JPH2: variants seen among roughly 807,000 people sequenced by gnomAD.
The protein encoded by JPH2 is junctophilin 2.
Under a neutral mutation model 55.9 loss-of-function variants are expected in JPH2, and 38 were observed. That is an observed-to-expected ratio of 0.68 (90% confidence interval 0.52 to 0.89). The LOEUF (loss-of-function observed/expected upper bound fraction) is 0.89. JPH2 is among the 40% of genes least tolerant of loss of function. JPH2 has a pLI of 0.00. For synonymous variants in JPH2, 480 were observed against 472.4 expected (o/e 1.02, Z -0.21); for missense variants, 964 against 1,037.6 (o/e 0.93, Z 0.97).
rs773186875 is a variant in JPH2, at chr20:44,186,547, G to A, written c.159C>T (p.Thr53=). ...CCTCAAAGGTGTTTCCGCTGGGCCA[G>A]GTGTAGACACCTGCCACCTCAAAGC... is the stretch of plus-strand genomic sequence containing the variant. ...NFGFEVAGVY[T]WPSGNTFEGY... Residue 53 remains threonine, a synonymous_variant, in exon 1 of 6, where the codon ACC becomes ACT. Transcript: ENST00000372980. 5 of 1,613,692 alleles carry A rather than the reference G, an allele frequency of 3.1e-6. No homozygotes were observed. The African/African-American group carries it at 5.3e-5, about 17-fold the overall frequency.
chr20:44,180,242 T>G (rs2072768544), intron 1 of JPH2, among the ~76,000 whole-genome samples: 1 of 152,124 alleles, frequency 6.6e-6, no homozygotes, highest in South Asian at 2.1e-4. Context: ...ATAAGTAACA[T>G]AACATACCTC....
intron 2 of JPH2, among the ~76,000 whole-genome samples, chr20:44,125,606 G>A (rs889313798): frequency 1.3e-5 from 2 of 152,158 alleles, no homozygotes; most frequent in African/African-American, 4.8e-5. Context: ...AGCCGCCTGG[G>A]GAGCTCGCAG....
At chr20:44,180,216 C>T (rs1262918648) in intron 1 of JPH2, among the ~76,000 whole-genome samples, 1 of 152,112 alleles carries the variant, frequency 6.6e-6, no homozygotes, top group Non-Finnish European at 1.5e-5. Context: ...GGAATTCCGT[C>T]TCAAAAAATA....
At chr20:44,186,237 C>G in intron 1 of JPH2, 90 bp downstream of exon 1, 1 of 1,434,608 alleles carries the variant, frequency 7.0e-7, no homozygotes, top group Non-Finnish European at 9.6e-7. Context: ...TGATTCTGTG[C>G]CAATTGCCGG....
rs532840186 is a variant in JPH2, at chr20:44,137,687, C to T, written c.1170-19064G>A. 3.3e-5 allele frequency among the ~76,000 whole-genome samples: 5 copies of T among 152,292 alleles called. No homozygotes were observed. The South Asian group carries it at 1.0e-3, about 32-fold the overall frequency. Reference sequence around the variant, plus strand: ...CACACTTCCAGAGATCGGATTCGGCCCCAGGCACCGTGCCAGGTACTGGAG... The same window carrying T: ...CACACTTCCAGAGATCGGATTCGGCTCCAGGCACCGTGCCAGGTACTGGAG... On this transcript the variant is annotated intron_variant, in intron 2 of 5. Transcript: ENST00000372980.
chr20:44,134,657 AAT>A (rs1212098897), intron 2 of JPH2, among the ~76,000 whole-genome samples: 4,251 of 26,322 alleles, frequency 0.16, 1,008 homozygotes, highest in Middle Eastern at 0.39. Flanking sequence ...ATTTATTATA[AAT>A]ATATATAAAT....
At chr20:44,130,537 C>G (rs902550944) in intron 2 of JPH2, among the ~76,000 whole-genome samples, 12 of 152,242 alleles carry the variant, frequency 7.9e-5, no homozygotes, top group African/African-American at 2.7e-4. Context: ...AGGGAGGGAA[C>G]CTCGGGCCTT....
intron 1 of JPH2, among the ~76,000 whole-genome samples, chr20:44,161,673 A>G (rs1174711106): frequency 6.6e-6 from 1 of 151,956 alleles, no homozygotes; most frequent in Non-Finnish European, 1.5e-5. Context: ...TGATTCTACA[A>G]AGTTGTGCTC....
intron 1 of JPH2, among the ~76,000 whole-genome samples, chr20:44,163,609 A>C (rs1366746669): frequency 6.6e-6 from 1 of 152,190 alleles, no homozygotes; most frequent in Non-Finnish European, 1.5e-5. Flanking sequence ...TGATAATGCG[A>C]ATTTCCAGGA....
At chr20:44,120,996 A>G (rs1485717756) in intron 2 of JPH2, among the ~76,000 whole-genome samples, 1 of 152,216 alleles carries the variant, frequency 6.6e-6, no homozygotes, top group African/African-American at 2.4e-5. Context: ...AGACACAAAA[A>G]CTATTTAATA....
chr20:44,116,308 C>T lies in JPH2; in HGVS notation c.1367G>A (p.Gly456Asp), dbSNP rs1472501616. Reference protein sequence around the residue: ...SESLLEPPDRGAGAAGLPQPP... With the variant: ...SESLLEPPDRDAGAAGLPQPP... Reference sequence around the variant, plus strand: ...CTGTGGGAGGCCCGCTGCGCCGGCGCCCCGGTCGGGGGGCTCCAGCAGGCT... The same window carrying T: ...CTGTGGGAGGCCCGCTGCGCCGGCGTCCCGGTCGGGGGGCTCCAGCAGGCT... The change falls in exon 4 of 6, where the codon GGC becomes GAC. Residue 456 changes from glycine to aspartate, a missense_variant. Transcript: ENST00000372980. 7 of 1,541,766 alleles carry T rather than the reference C, an allele frequency of 4.5e-6. No homozygotes were observed. Among genetic ancestry groups the T allele is most frequent in the Non-Finnish European group, 6.1e-6 (7 of 1,145,496 alleles).
At chr20:44,173,645 G>A (rs552510552) in intron 1 of JPH2, among the ~76,000 whole-genome samples, 4 of 152,336 alleles carry the variant, frequency 2.6e-5, no homozygotes, top group East Asian at 3.9e-4. Context: ...GCTGGGTGCT[G>A]TGGCTTACAC....
chr20:44,150,156 A>G (rs1019812957), intron 2 of JPH2, among the ~76,000 whole-genome samples: 5 of 152,002 alleles, frequency 3.3e-5, no homozygotes, highest in African/African-American at 1.2e-4. Context: ...GTTAAACAGC[A>G]CCATAAGGAA....
chr20:44,155,049 G>A (rs1327564199), intron 2 of JPH2, among the ~76,000 whole-genome samples: 1 of 152,014 alleles, frequency 6.6e-6, no homozygotes, highest in Non-Finnish European at 1.5e-5. Flanking sequence ...GCATTGGCAG[G>A]AAGGACCAGG....
chr20:44,182,843 GC>G (rs2072796999), intron 1 of JPH2, among the ~76,000 whole-genome samples: 1 of 152,198 alleles, frequency 6.6e-6, no homozygotes, highest in Non-Finnish European at 1.5e-5. Flanking sequence ...CCTAAAACTT[GC>G]TGTAAAGCAG....
intron 2 of JPH2, among the ~76,000 whole-genome samples, chr20:44,154,419 G>A (rs1159831475): frequency 1.3e-5 from 2 of 152,100 alleles, no homozygotes; most frequent in Non-Finnish European, 1.5e-5. Context: ...CATTTACAGC[G>A]CATCTCCATT....
intron 1 of JPH2, among the ~76,000 whole-genome samples, chr20:44,185,646 A>G (rs889055981): frequency 6.6e-6 from 1 of 151,574 alleles, no homozygotes; most frequent in Non-Finnish European, 1.5e-5. Flanking sequence ...GAAAAAAAAA[A>G]AAAGAATCCA....
At position 44,160,235 on chromosome 20, in the gene JPH2, G is replaced by A; in HGVS notation, c.552C>T (p.Ala184=). ...TVAPDSPASP[A]SDGPALPSPA... ...GCGAGGGCAGCGCGGGGCCGTCGGA[G>A]GCCGGCGAGGCGGGAGAGTCCGGGG... The change falls in exon 2 of 6, where the codon GCC becomes GCT. Residue 184 remains alanine, a synonymous_variant. Transcript: ENST00000372980. The surrounding 1 kb of genome is among the most constrained non-coding windows in gnomAD (Gnocchi z 4.9). The A allele has an allele frequency of 2.0e-6, 3 of 1,498,870 alleles. No individual in the cohort carries two copies. The South Asian group carries it at 3.8e-5, about 19-fold the overall frequency. 92.8% of individuals were successfully genotyped at this position (1,498,870 alleles called of 1,614,324 possible). A position where few individuals can be genotyped will look rare whatever the true frequency, so the allele number is the denominator to read the frequency against.
intron 1 of JPH2, among the ~76,000 whole-genome samples, chr20:44,184,541 G>A (rs990583459): frequency 2.6e-5 from 4 of 152,072 alleles, no homozygotes; most frequent in Admixed American, 6.5e-5. Context: ...GATGCTGCCC[G>A]TCCACCGTCC....
Sources: allele counts gnomAD v4.1 joint callset (sites outside exome capture counted in the v4.1 genomes callset), GRCh38; gene constraint gnomAD v4.1.1; non-coding constraint Gnocchi (gnomAD v3.1); transcripts MANE v1.5; gene names NCBI Gene and HGNC (gene_info 2026-07-23, HGNC 2026-07-21).